ADAMTS17: variants seen among roughly 807,000 people sequenced by gnomAD.
ADAMTS17 encodes ADAM metallopeptidase with thrombospondin type 1 motif 17.
ADAMTS17 carries 113 observed loss-of-function variants against 141.5 expected under a neutral mutation model. That is an observed-to-expected ratio of 0.80 (90% CI 0.69 to 0.93). ADAMTS17 has a LOEUF of 0.93. Among genes scored for constraint, ADAMTS17 ranks in the 40% least tolerant of loss-of-function variants. The probability of loss-of-function intolerance (pLI) is 0.00; values close to 1 mark genes in which losing one functional copy is unlikely to be tolerated. For missense variants in ADAMTS17, 1,659 were observed against 1,517.9 expected (o/e 1.09, Z -1.54); for synonymous variants, 768 against 630.6 (o/e 1.22, Z -3.27).
intron 18 of ADAMTS17, among the ~76,000 whole-genome samples, chr15:100,020,696 G>A (rs564582463): frequency 1.3e-5 from 2 of 152,318 alleles, no homozygotes; most frequent in South Asian, 4.1e-4. Flanking sequence ...TGTTCATGGT[G>A]AACTTGAAAA....
rs1189595490 is a variant in ADAMTS17, at chr15:100,053,944, C to G, written c.2248G>C (p.Glu750Gln). The G allele has an allele frequency of 1.2e-6, 2 of 1,614,074 alleles. No individual in the cohort carries two copies. Among genetic ancestry groups the G allele is most frequent in the African/African-American group, 1.3e-5 (1 of 74,926 alleles). The part of the protein sequence containing the change: ...TVRYVRRGLW[E>Q]KISAKGPTKL... ...GTTGGTCCCTTGGCAGAGATCTTCT[C>G]CCACAGCCCCCTTCTCACATAGCGA... Residue 750 changes from glutamate (E) to glutamine (Q), a missense_variant, in exon 16 of 22, where the codon GAG (glutamate) becomes CAG (glutamine). Glu to Gln is a conservative substitution (Grantham distance 29, BLOSUM62 2). Coordinates refer to ENST00000268070, the MANE Select transcript of ADAMTS17 (RefSeq NM_139057.4).
intron 7 of ADAMTS17, among the ~76,000 whole-genome samples, chr15:100,199,723 A>G (rs772210319): frequency 6.6e-6 from 1 of 152,144 alleles, no homozygotes; most frequent in Non-Finnish European, 1.5e-5. Context: ...TGAGGTTTGG[A>G]AAGGAAAGGT....
At chr15:100,247,733 A>C (rs1320421672) in intron 7 of ADAMTS17, among the ~76,000 whole-genome samples, 1 of 152,074 alleles carries the variant, frequency 6.6e-6, no homozygotes, top group East Asian at 1.9e-4. Context: ...CCAGCACACA[A>C]CACCGTCCAT....
chr15:100,063,229 TC>T (rs1345617307), intron 15 of ADAMTS17, among the ~76,000 whole-genome samples: 1 of 152,206 alleles, frequency 6.6e-6, no homozygotes, highest in Non-Finnish European at 1.5e-5. Context: ...CTTCTGGGTT[TC>T]CATTAGACTT....
intron 7 of ADAMTS17, among the ~76,000 whole-genome samples, chr15:100,248,811 T>C (rs2043064222): frequency 6.6e-6 from 1 of 151,802 alleles, no homozygotes; most frequent in South Asian, 2.1e-4. Context: ...AATTTTTTTT[T>C]TTTTTTTGAG....
At chr15:100,340,765 C>T (rs1478203197) in intron 2 of ADAMTS17, among the ~76,000 whole-genome samples, 1 of 92,028 alleles carries the variant, frequency 1.1e-5, no homozygotes, top group Non-Finnish European at 2.7e-5. Context: ...CTCCCTAGAG[C>T]GGGCGGCGTA....
intron 7 of ADAMTS17, among the ~76,000 whole-genome samples, chr15:100,245,994 G>A (rs894156084): frequency 6.6e-6 from 1 of 152,116 alleles, no homozygotes; most frequent in Admixed American, 6.5e-5. Flanking sequence ...GGTGCACAGA[G>A]CAAGCACACA....
At chr15:100,033,316 A>C (rs771388063) in intron 18 of ADAMTS17, among the ~76,000 whole-genome samples, 1 of 152,180 alleles carries the variant, frequency 6.6e-6, no homozygotes, top group Non-Finnish European at 1.5e-5. Context: ...TGGAAAAAAA[A>C]CTCTCATGCT....
chr15:100,281,070 C>G (rs1258172700), intron 4 of ADAMTS17, among the ~76,000 whole-genome samples, 159 bp downstream of exon 4: 3 of 152,240 alleles, frequency 2.0e-5, no homozygotes, highest in African/African-American at 7.2e-5. Context: ...CCCCCAGTTA[C>G]TTGCCCTCCT....
chr15:100,133,098 C>G (rs2038138055), intron 11 of ADAMTS17, 116 bp downstream of exon 11: 2 of 1,018,136 alleles, frequency 2.0e-6, no homozygotes, highest in South Asian at 1.5e-5. Context: ...TTCTGTGCCG[C>G]CTGGGGGATG....
intron 18 of ADAMTS17, among the ~76,000 whole-genome samples, chr15:100,046,737 C>T (rs1462665034): frequency 3.3e-5 from 5 of 152,166 alleles, no homozygotes; most frequent in Non-Finnish European, 7.3e-5. Context: ...CTATGCCTGT[C>T]TTTACTTTAA....
At chr15:100,113,792 C>T (rs183891981) in intron 13 of ADAMTS17, among the ~76,000 whole-genome samples, 1 of 152,350 alleles carries the variant, frequency 6.6e-6, no homozygotes, top group East Asian at 1.9e-4. Context: ...CTAACCATCA[C>T]GCCCCTCATC....
intron 8 of ADAMTS17, among the ~76,000 whole-genome samples, chr15:100,197,702 T>C: frequency 6.6e-6 from 1 of 152,148 alleles, no homozygotes; most frequent in Non-Finnish European, 1.5e-5. Context: ...GAATTGCACA[T>C]AACATCATTT....
intron 18 of ADAMTS17, among the ~76,000 whole-genome samples, chr15:100,022,267 C>T (rs1345323859): frequency 6.6e-6 from 1 of 152,174 alleles, no homozygotes; most frequent in Non-Finnish European, 1.5e-5. Flanking sequence ...GAGCTGCGTG[C>T]ACCACAACCC....
At chr15:100,122,165 A>C (rs1054336125) in intron 12 of ADAMTS17, among the ~76,000 whole-genome samples, 1 of 152,162 alleles carries the variant, frequency 6.6e-6, no homozygotes, top group African/African-American at 2.4e-5. Flanking sequence ...CTCAGACCTA[A>C]AGACACAGGA....
chr15:99,999,454 C>G (rs184634547), intron 18 of ADAMTS17, among the ~76,000 whole-genome samples: 1 of 151,868 alleles, frequency 6.6e-6, no homozygotes. Flanking sequence ...CCCGTGACTA[C>G]GTGGGAAAAG....
intron 15 of ADAMTS17, among the ~76,000 whole-genome samples, chr15:100,084,214 G>A (rs1193977576): frequency 1.3e-5 from 2 of 152,208 alleles, no homozygotes; most frequent in African/African-American, 2.4e-5. Flanking sequence ...ATGGCTGGGA[G>A]GGTCCCATGC....
chr15:100,064,602 G>A (rs182615398), intron 15 of ADAMTS17, among the ~76,000 whole-genome samples: 1 of 152,188 alleles, frequency 6.6e-6, no homozygotes, highest in Admixed American at 6.5e-5. Context: ...CTTAACACAC[G>A]GTGCACCGTT....
intron 3 of ADAMTS17, among the ~76,000 whole-genome samples, chr15:100,320,353 C>T (rs1005715708): frequency 1.3e-5 from 2 of 152,224 alleles, no homozygotes; most frequent in Admixed American, 6.5e-5. Context: ...GGGAAGTCCA[C>T]GGGAAATGCT....
Sources: gnomAD v4.1 joint callset for allele counts (sites outside exome capture counted in the v4.1 genomes callset) on GRCh38, gnomAD v4.1.1 for gene constraint, MANE v1.5 for transcripts, NCBI Gene and HGNC (gene_info 2026-07-23, HGNC 2026-07-21) for gene names.